ST6GALNAC5: variants seen among roughly 807,000 people sequenced by gnomAD.
The protein encoded by ST6GALNAC5 is alpha-N-acetylgalactosaminide alpha-2,6-sialyltransferase 5.
In ST6GALNAC5, 27 loss-of-function variants were observed where a neutral mutation model predicts 33.6. The observed-to-expected ratio is 0.80, with a 90% confidence interval of 0.59 to 1.11. The LOEUF (loss-of-function observed/expected upper bound fraction) is 1.11. Among genes scored for constraint, ST6GALNAC5 ranks in the 50% least tolerant of loss-of-function variants. The probability of loss-of-function intolerance (pLI) is 0.00; values close to 1 mark genes in which losing one functional copy is unlikely to be tolerated. For synonymous variants in ST6GALNAC5, 194 were observed against 171.2 expected, an observed-to-expected ratio of 1.13 and a Z score of -1.04; for missense variants, 428 against 454.0, an observed-to-expected ratio of 0.94 and a Z score of 0.52.
At chr1:77,054,185 A>G (rs1370333836) in intron 4 of ST6GALNAC5, among the ~76,000 whole-genome samples, 1 of 152,244 alleles carries the variant, frequency 6.6e-6, no homozygotes, top group African/African-American at 2.4e-5. Flanking sequence ...CATGAGGTAC[A>G]GAAGGTTACT....
intron 2 of ST6GALNAC5, among the ~76,000 whole-genome samples, chr1:77,039,035 C>T (rs548111407): frequency 1.1e-4 from 16 of 152,274 alleles, no homozygotes; most frequent in East Asian, 9.7e-4. Context: ...ACAAAAGAGA[C>T]AGCAAAAATA....
chr1:77,027,058 C>T (rs1488363866), intron 2 of ST6GALNAC5, among the ~76,000 whole-genome samples: 1 of 152,212 alleles, frequency 6.6e-6, no homozygotes, highest in Non-Finnish European at 1.5e-5. Context: ...TTCACCTCCA[C>T]TCCAAAGACA....
At position 77,063,514 on chromosome 1, in the gene ST6GALNAC5, G is replaced by T; in HGVS notation, c.*308G>T. On this transcript the variant is annotated 3_prime_UTR_variant, in exon 5 of 5. Transcript: ENST00000477717. The stretch of plus-strand genomic sequence containing the variant: ...ATCTCTTAGTATTGCCTTTGAAACT[G>T]CAACATAAGCAACTCAACAATATTA... 1 of 342,920 alleles carries T rather than the reference G, an allele frequency of 2.9e-6. No homozygotes were observed. Among genetic ancestry groups the T allele is most frequent in the Non-Finnish European group, 5.5e-6 (1 of 183,042 alleles). 21.2% of individuals were successfully genotyped at this position (342,920 alleles called of 1,614,324 possible).
chr1:76,938,053 G>A (rs996596457), intron 2 of ST6GALNAC5, among the ~76,000 whole-genome samples: 2 of 152,132 alleles, frequency 1.3e-5, no homozygotes, highest in African/African-American at 4.8e-5. Flanking sequence ...AAGGTAGAAA[G>A]AGCATCGAGA....
At chr1:77,013,729 C>T (rs1650724839) in intron 2 of ST6GALNAC5, among the ~76,000 whole-genome samples, 1 of 152,206 alleles carries the variant, frequency 6.6e-6, no homozygotes, top group Non-Finnish European at 1.5e-5. Context: ...GGGGGCTCAC[C>T]ACCTTAAGTG....
intron 2 of ST6GALNAC5, among the ~76,000 whole-genome samples, chr1:76,963,339 G>A (rs1648321054): frequency 6.6e-6 from 1 of 152,182 alleles, no homozygotes; most frequent in Non-Finnish European, 1.5e-5. Context: ...TAATAGGATT[G>A]CTGTGCAGTT....
chr1:77,046,961 A>C (rs899129729), intron 3 of ST6GALNAC5, among the ~76,000 whole-genome samples: 5 of 152,198 alleles, frequency 3.3e-5, no homozygotes, highest in Admixed American at 2.6e-4. Context: ...CCCTTCTCAC[A>C]GCAAGGCATA....
At chr1:76,951,503 G>A (rs1647743867) in intron 2 of ST6GALNAC5, among the ~76,000 whole-genome samples, 1 of 152,116 alleles carries the variant, frequency 6.6e-6, no homozygotes, top group South Asian at 2.1e-4. Context: ...AGGGTCAGGG[G>A]AGGGATGGCA....
rs1047655451 is a variant in ST6GALNAC5 at position 77,065,900 on chromosome 1, A to G, written c.*2694A>G. 1.3e-5 allele frequency among the ~76,000 whole-genome samples: 2 copies of G among 152,210 alleles called. No individual in the cohort carries two copies. The highest frequency in any genetic ancestry group is 4.8e-5 in the African/African-American group (2 of 41,462). On this transcript the variant is annotated 3_prime_UTR_variant, in exon 5 of 5. Coordinates refer to ENST00000477717, the MANE Select transcript of ST6GALNAC5 (RefSeq NM_030965.3). ...GTCGATCCATGGCTTCTGTTATTTC[A>G]ACACAAGAACATTTGGCAGAGGCCA...
chr1:76,999,865 C>T (rs1442619445), intron 2 of ST6GALNAC5, among the ~76,000 whole-genome samples: 1 of 133,534 alleles, frequency 7.5e-6, no homozygotes, highest in African/African-American at 2.5e-5. Flanking sequence ...ATATATGTGC[C>T]ACATTTACTT....
intron 2 of ST6GALNAC5, among the ~76,000 whole-genome samples, chr1:76,946,851 T>C (rs1647535408): frequency 6.6e-6 from 1 of 152,140 alleles, no homozygotes; most frequent in Non-Finnish European, 1.5e-5. Context: ...TGCCTATTCC[T>C]GAATAAATAG....
intron 2 of ST6GALNAC5, among the ~76,000 whole-genome samples, chr1:77,033,750 T>C (rs1442392313): frequency 1.3e-5 from 2 of 152,138 alleles, no homozygotes; most frequent in Admixed American, 1.3e-4. Context: ...AAGGAATGCT[T>C]ACTGTTTCCC....
At chr1:77,034,423 G>A (rs1250671391) in intron 2 of ST6GALNAC5, among the ~76,000 whole-genome samples, 2 of 152,096 alleles carry the variant, frequency 1.3e-5, no homozygotes, top group Non-Finnish European at 2.9e-5. Context: ...AATTACATCT[G>A]CAAAACCTCT....
chr1:76,991,572 C>T lies in ST6GALNAC5; in HGVS notation c.262-52632C>T, dbSNP rs563990414. 5.3e-5 allele frequency among the ~76,000 whole-genome samples: 8 copies of T among 152,220 alleles called. No individual in the cohort carries two copies. The South Asian group carries it at 1.0e-3, about 20-fold the overall frequency. On this transcript the variant is annotated intron_variant, in intron 2 of 4. Transcript: ENST00000477717. Reference sequence around the variant, plus strand: ...ACCCTTATTTTAATCCTGGAGTTTCCTAACTCAGCCTTCTCCTCTGCTAAT... The same window carrying T: ...ACCCTTATTTTAATCCTGGAGTTTCTTAACTCAGCCTTCTCCTCTGCTAAT...
chr1:76,904,180 G>A (rs1215086298), intron 2 of ST6GALNAC5, among the ~76,000 whole-genome samples: 1 of 152,190 alleles, frequency 6.6e-6, no homozygotes, highest in Non-Finnish European at 1.5e-5. Flanking sequence ...CATGGGAAAA[G>A]GATGAATAGA....
intron 2 of ST6GALNAC5, among the ~76,000 whole-genome samples, chr1:76,993,781 A>G (rs908792408): frequency 1.3e-5 from 2 of 149,010 alleles, no homozygotes; most frequent in South Asian, 2.1e-4. Context: ...GATTTATCCA[A>G]CTCTCTCCTC....
intron 2 of ST6GALNAC5, among the ~76,000 whole-genome samples, chr1:77,002,323 G>A (rs1190885822): frequency 6.6e-6 from 1 of 152,144 alleles, no homozygotes; most frequent in Non-Finnish European, 1.5e-5. Context: ...ATTTCTGTGG[G>A]ATCAGTGGTG....
chr1:77,024,530 C>T (rs1158687834), intron 2 of ST6GALNAC5, among the ~76,000 whole-genome samples: 88 of 152,338 alleles, frequency 5.8e-4, no homozygotes, highest in Non-Finnish European at 1.5e-5. Flanking sequence ...TGCCCTTTTC[C>T]AGCCTCCGGG....
intron 2 of ST6GALNAC5, among the ~76,000 whole-genome samples, chr1:76,949,509 G>T (rs1250275246): frequency 6.6e-6 from 1 of 152,110 alleles, no homozygotes; most frequent in Non-Finnish European, 1.5e-5. Context: ...TGACCTTGGA[G>T]GTGTCCTTTT....
Sources: gnomAD v4.1 joint callset for allele counts (sites outside exome capture counted in the v4.1 genomes callset) on GRCh38, gnomAD v4.1.1 for gene constraint, MANE v1.5 for transcripts, NCBI Gene and HGNC (gene_info 2026-07-23, HGNC 2026-07-21) for gene names.